AP3D1: variants seen among roughly 807,000 people sequenced by gnomAD.
AP3D1 encodes the protein AP-3 complex subunit delta-1.
In AP3D1, 51 loss-of-function variants were observed where a neutral mutation model predicts 147.6. The ratio of observed to expected loss-of-function variants is 0.35; its 90% CI spans 0.28 to 0.44. AP3D1 has a LOEUF of 0.44. Among genes scored for constraint, AP3D1 ranks in the 20% least tolerant of loss-of-function variants. The pLI is 1.00. For missense variants in AP3D1, 1,421 were observed against 1,624.2 expected (o/e 0.87, Z 2.15); for synonymous variants, 760 against 663.0 (o/e 1.15, Z -2.25).
intron 8 of AP3D1, among the ~76,000 whole-genome samples, 187 bp from the exon 9 acceptor site, chr19:2,127,388 G>T (rs2018786202): frequency 6.6e-6 from 1 of 152,220 alleles, no homozygotes; most frequent in South Asian, 2.1e-4. Flanking sequence ...CATCTTCCCA[G>T]AAAGGGCAGG....
At chr19:2,133,291 A>C in intron 4 of AP3D1, 1 of 151,872 alleles carries the variant, frequency 6.6e-6, no homozygotes, top group Non-Finnish European at 1.5e-5. Flanking sequence ...CCTCCCATGA[A>C]CTCTGCCCCA....
At chr19:2,135,444 T>G (rs1599481819) in intron 4 of AP3D1, among the ~76,000 whole-genome samples, 1 of 148,556 alleles carries the variant, frequency 6.7e-6, no homozygotes, top group African/African-American at 2.5e-5. Flanking sequence ...GCTGAGGCAG[T>G]AGAATCGCTT....
intron 11 of AP3D1, among the ~76,000 whole-genome samples, chr19:2,122,662 C>T (rs1286282293): frequency 6.6e-6 from 1 of 152,224 alleles, no homozygotes; most frequent in Non-Finnish European, 1.5e-5. Flanking sequence ...CCATAAAACA[C>T]GGTCACGAAA....
intron 31 of AP3D1, among the ~76,000 whole-genome samples, chr19:2,103,066 G>C (rs2018003503): frequency 6.6e-6 from 1 of 152,172 alleles, no homozygotes; most frequent in Non-Finnish European, 1.5e-5. Context: ...TGAAGTTGCA[G>C]TGAGCCGTGT....
chr19:2,144,350 C>T (rs894046216), intron 1 of AP3D1, among the ~76,000 whole-genome samples: 32 of 152,340 alleles, frequency 2.1e-4, no homozygotes, highest in African/African-American at 6.7e-4. Context: ...GCCCTCTGCA[C>T]CCAGGAGCAG....
upstream of AP3D1, among the ~76,000 whole-genome samples, chr19:2,155,604 C>T (rs2019639171): frequency 6.6e-6 from 1 of 151,780 alleles, no homozygotes; most frequent in Non-Finnish European, 1.5e-5. Context: ...GGACTTTTCC[C>T]CTATTTTCCA....
chr19:2,144,652 A>G (rs140487148), intron 1 of AP3D1, among the ~76,000 whole-genome samples: 3 of 152,276 alleles, frequency 2.0e-5, no homozygotes, highest in African/African-American at 7.2e-5. Context: ...TCACACCTGT[A>G]ATCCCAGCAC....
chr19:2,129,325 A>G lies in AP3D1; in HGVS notation c.725T>C (p.Ile242Thr). The G allele has an allele frequency of 6.2e-7, 1 of 1,613,910 alleles. No homozygotes were observed. The highest frequency in any genetic ancestry group is 8.5e-7 in the Non-Finnish European group (1 of 1,179,998). ...STNNWVLIKI[I>T]KLFGALTPLE... ...TTCCCGGGCAGTACTTGCCAGCTTG[A>G]TGATCTTGATGAGGACCCAGTTGTT... The change falls in exon 7 of 32, where the codon ATC (isoleucine) becomes ACC (threonine). Residue 242 changes from isoleucine (I) to threonine (T), a missense_variant. Physicochemically the swap from Ile to Thr is moderately conservative, Grantham distance 89. Coordinates refer to ENST00000643116, the MANE Select transcript of AP3D1 (RefSeq NM_001261826.3).
chr19:2,115,255 G>C lies in AP3D1; in HGVS notation c.2313C>G (p.Ala771=), dbSNP rs751107465. 2 of 1,613,534 alleles carry C rather than the reference G, an allele frequency of 1.2e-6. No homozygotes were observed. The highest frequency in any genetic ancestry group is 2.2e-5 in the East Asian group (1 of 44,884). Residue 771 remains alanine (A), a synonymous_variant, in exon 20 of 32, where the codon GCC becomes GCG. Transcript: ENST00000643116. Reference sequence around the variant, plus strand: ...CCTCTGTGACGATGTCCACCTGCTGGGCAGGGGCGATGTCCTCGTCGCTCT... The same window carrying C: ...CCTCTGTGACGATGTCCACCTGCTGCGCAGGGGCGATGTCCTCGTCGCTCT... ...PTESDEDIAP[A]QQVDIVTEEM...
At chr19:2,126,974 G>A (rs1026977644) in intron 9 of AP3D1, among the ~76,000 whole-genome samples, 178 bp downstream of exon 9, 1 of 152,186 alleles carries the variant, frequency 6.6e-6, no homozygotes, top group South Asian at 2.1e-4. Context: ...TGGCCACCTT[G>A]ACAGCAGAGG....
intron 4 of AP3D1, among the ~76,000 whole-genome samples, chr19:2,135,791 TCAGCAAGAGA>T (rs2145131433): frequency 6.6e-6 from 1 of 152,214 alleles, no homozygotes; most frequent in Non-Finnish European, 1.5e-5. Context: ...GCCGAGCCCA[TCAGCAAGAGA>T]CACAAAGCTG....
At chr19:2,106,837 G>T (rs964799979) in intron 31 of AP3D1, among the ~76,000 whole-genome samples, 1 of 152,160 alleles carries the variant, frequency 6.6e-6, no homozygotes, top group African/African-American at 2.4e-5. Flanking sequence ...CTCCTAGGAG[G>T]TCCCTAGAGC....
intron 9 of AP3D1, among the ~76,000 whole-genome samples, chr19:2,125,448 C>T (rs1403805725): frequency 6.6e-6 from 1 of 152,080 alleles, no homozygotes; most frequent in Admixed American, 6.6e-5. Flanking sequence ...CCCAAGTAGT[C>T]GGGATTACAG....
At chr19:2,106,693 T>A (rs935273262) in intron 31 of AP3D1, among the ~76,000 whole-genome samples, 9 of 152,180 alleles carry the variant, frequency 5.9e-5, no homozygotes, top group Non-Finnish European at 1.3e-4. Context: ...GCATGGTCCA[T>A]CTGTACAACA....
intron 31 of AP3D1, among the ~76,000 whole-genome samples, 185 bp from the exon 32 acceptor site, chr19:2,102,453 G>A (rs1263568018): frequency 6.6e-6 from 1 of 152,156 alleles, no homozygotes; most frequent in African/African-American, 2.4e-5. Flanking sequence ...AAATGGCCGG[G>A]TGCGGTGGCT....
chr19:2,105,300 T>C (rs1020926876), intron 31 of AP3D1, among the ~76,000 whole-genome samples: 67 of 152,332 alleles, frequency 4.4e-4, no homozygotes, highest in African/African-American at 1.6e-3. Flanking sequence ...TCTGCAGCAC[T>C]GTGACATGTT....
At chr19:2,111,984 A>G (rs2018295197) in intron 24 of AP3D1, 156 bp from the exon 25 acceptor site, 16 of 1,248,482 alleles carry the variant, frequency 1.3e-5, no homozygotes, top group South Asian at 2.8e-5. Context: ...CTACCGGGAC[A>G]AGCTCAGGCC....
intron 1 of AP3D1, among the ~76,000 whole-genome samples, chr19:2,144,720 T>G (rs1412091719): frequency 2.0e-5 from 3 of 152,114 alleles, no homozygotes; most frequent in Non-Finnish European, 4.4e-5. Context: ...TTGGTCAACA[T>G]GGTGAAACAC....
Position 2,118,843 on chromosome 19 carries a change from G to C in AP3D1, c.1482-11C>G, listed in dbSNP as rs1376343344. 1 of 1,608,826 alleles carries C rather than the reference G, an allele frequency of 6.2e-7. No individual in the cohort carries two copies. ...GGTTCCTGCAGATGCCTGAGGACAG[G>C]AAACACTGTGAGCCCCCAGGATGCC... On this transcript the variant is annotated splice_polypyrimidine_tract_variant and intron_variant, in intron 14 of 31. Transcript: ENST00000643116.
Sources: allele counts gnomAD v4.1 joint callset (sites outside exome capture counted in the v4.1 genomes callset), GRCh38; gene constraint gnomAD v4.1.1; transcripts MANE v1.5; gene names NCBI Gene and HGNC (gene_info 2026-07-23, HGNC 2026-07-21).